Variants in NUP107 observed in about 807,000 individuals in gnomAD.
NUP107 encodes the protein nucleoporin 107.
NUP107 carries 101 observed loss-of-function variants against 141.0 expected under a neutral mutation model. The observed-to-expected ratio is 0.72, with a 90% confidence interval of 0.61 to 0.84. The LOEUF is 0.84. NUP107 is among the 40% of genes least tolerant of loss of function. The pLI is 0.00. For missense variants in NUP107, 941 were observed against 1,102.7 expected, an observed-to-expected ratio of 0.85 and a Z score of 2.08; for synonymous variants, 319 against 363.9, an observed-to-expected ratio of 0.88 and a Z score of 1.41.
intron 20 of NUP107, among the ~76,000 whole-genome samples, chr12:68,729,794 CTTT>C (rs1253432702): frequency 3.1e-5 from 4 of 128,236 alleles, no homozygotes; most frequent in Admixed American, 7.7e-5. Context: ...GTTTGTGAGT[CTTT>C]TTTTTTTTTT....
At chr12:68,723,171 T>C (rs936588007) in intron 17 of NUP107, among the ~76,000 whole-genome samples, 3 of 151,882 alleles carry the variant, frequency 2.0e-5, no homozygotes, top group Admixed American at 2.0e-4. Flanking sequence ...GCCAGGAGTT[T>C]AGACCAGCCT....
intron 20 of NUP107, 106 bp downstream of exon 20, chr12:68,727,495 C>T (rs1877613772): frequency 4.8e-6 from 3 of 628,790 alleles, no homozygotes; most frequent in Admixed American, 2.7e-5. Flanking sequence ...CATCAGAATC[C>T]ATAAGAGATC....
intron 17 of NUP107, among the ~76,000 whole-genome samples, chr12:68,723,186 A>G (rs1877423554): frequency 6.6e-6 from 1 of 152,080 alleles, no homozygotes; most frequent in Admixed American, 6.6e-5. Context: ...CAGCCTGGGC[A>G]GCATAGCAAA....
chr12:68,714,422 T>C (rs1431737551), intron 11 of NUP107: 1 of 152,242 alleles, frequency 6.6e-6, no homozygotes, highest in African/African-American at 2.4e-5. Context: ...CTAAATTACA[T>C]TGTAGCAGGC....
chr12:68,741,076 GAAA>G (rs955186876), intron 26 of NUP107, among the ~76,000 whole-genome samples: 1 of 144,580 alleles, frequency 6.9e-6, no homozygotes, highest in Non-Finnish European at 1.5e-5. Flanking sequence ...AAAAAGAAAA[GAAA>G]AAAAAAAGAA....
At chr12:68,696,973 C>T (rs549556709) in intron 6 of NUP107, 51 bp downstream of exon 6, 5 of 1,110,630 alleles carry the variant, frequency 4.5e-6, no homozygotes, top group East Asian at 2.4e-5. Flanking sequence ...TTTTAGTTTT[C>T]ATAAACAGCA....
At chr12:68,722,522 T>C (rs1482156971) in intron 17 of NUP107, among the ~76,000 whole-genome samples, 1 of 152,132 alleles carries the variant, frequency 6.6e-6, no homozygotes, top group African/African-American at 2.4e-5. Flanking sequence ...CTTGTAACAA[T>C]AAAATAATTT....
At chr12:68,742,283 C>A in intron 27 of NUP107, 72 bp from the exon 28 acceptor site, 2 of 939,224 alleles carry the variant, frequency 2.1e-6, no homozygotes, top group Non-Finnish European at 3.4e-6. Context: ...CTAATCAGAT[C>A]GATTAGGTAA....
intron 14 of NUP107, among the ~76,000 whole-genome samples, chr12:68,720,130 C>T (rs1269700291): frequency 1.3e-5 from 2 of 152,044 alleles, no homozygotes; most frequent in African/African-American, 4.8e-5. Context: ...CAATGTACAA[C>T]ATTGTGCAAA....
rs771534012 is a variant in NUP107, at chr12:68,696,899, T to G, written c.529T>G (p.Tyr177Asp). ...TACAGTTTTTGATCTTGTGGAAGAGTATGAAAACATCTGTGGTAGTCAGGT... is the reference window on the plus strand; with the variant it reads ...TACAGTTTTTGATCTTGTGGAAGAGGATGAAAACATCTGTGGTAGTCAGGT... ...SSTVFDLVEE[Y>D]ENICGSQVNI... Residue 177 changes from tyrosine to aspartate, a missense_variant, in exon 6 of 28, where the codon TAT (tyrosine) becomes GAT (aspartate). Coordinates refer to ENST00000229179, the MANE Select transcript of NUP107 (RefSeq NM_020401.4). 1 of 1,606,640 alleles carries G rather than the reference T, an allele frequency of 6.2e-7. No individual in the cohort carries two copies. The highest frequency in any genetic ancestry group is 8.5e-7 in the Non-Finnish European group (1 of 1,175,590).
chr12:68,703,026 A>G (rs969704995), intron 8 of NUP107, among the ~76,000 whole-genome samples: 4 of 151,810 alleles, frequency 2.6e-5, no homozygotes, highest in South Asian at 2.1e-4. Context: ...TGTATTTTTA[A>G]TAGCAAACGG....
chr12:68,698,709 T>C (rs1876184924), intron 6 of NUP107, among the ~76,000 whole-genome samples: 1 of 152,208 alleles, frequency 6.6e-6, no homozygotes, highest in South Asian at 2.1e-4. Flanking sequence ...ATTATATGAT[T>C]ACAACTATAT....
chr12:68,733,193 T>C (rs1032400608), intron 23 of NUP107, among the ~76,000 whole-genome samples: 2 of 152,182 alleles, frequency 1.3e-5, no homozygotes, highest in African/African-American at 4.8e-5. Context: ...GCTATCCGAC[T>C]TTGAAAAATG....
At chr12:68,733,674 C>CA in intron 24 of NUP107, 62 bp downstream of exon 24, 3 of 1,530,998 alleles carry the variant, frequency 2.0e-6, no homozygotes, top group Admixed American at 2.0e-5. Context: ...GATTCACTCT[C>CA]AGAGTTTGAA....
intron 12 of NUP107, 82 bp from the exon 13 acceptor site, chr12:68,719,259 A>G: frequency 1.1e-6 from 1 of 943,374 alleles, no homozygotes; most frequent in Non-Finnish European, 1.7e-6. Flanking sequence ...TCCATAAGTT[A>G]TCTAAGCTTG....
intron 25 of NUP107, among the ~76,000 whole-genome samples, 180 bp downstream of exon 25, chr12:68,735,013 T>C (rs958534392): frequency 1.3e-5 from 2 of 152,190 alleles, no homozygotes; most frequent in Middle Eastern, 3.2e-3. Context: ...TAACCAAACA[T>C]GAAAAATGCC....
At chr12:68,732,974 C>T (rs1200826786) in intron 23 of NUP107, among the ~76,000 whole-genome samples, 2 of 152,210 alleles carry the variant, frequency 1.3e-5, no homozygotes, top group Admixed American at 1.3e-4. Context: ...TGAACCACCA[C>T]ACCCAGATTT....
At chr12:68,710,206 T>G in intron 10 of NUP107, 113 bp downstream of exon 10, 1 of 584,332 alleles carries the variant, frequency 1.7e-6, no homozygotes, top group South Asian at 2.0e-5. Context: ...TTCACACTAC[T>G]TTGTTTGGTG....
At chr12:68,713,245 C>T (rs1029788655) in intron 10 of NUP107, among the ~76,000 whole-genome samples, 6 of 151,672 alleles carry the variant, frequency 4.0e-5, no homozygotes, top group South Asian at 2.1e-4. Flanking sequence ...CATGGTGGCG[C>T]GTGTCTGTAG....
Sources: gnomAD v4.1 joint callset for allele counts (sites outside exome capture counted in the v4.1 genomes callset) on GRCh38, gnomAD v4.1.1 for gene constraint, MANE v1.5 for transcripts, NCBI Gene and HGNC (gene_info 2026-07-23, HGNC 2026-07-21) for gene names.